CFH: variants seen among roughly 807,000 people sequenced by gnomAD.
The protein encoded by CFH is H factor 1 (complement).
A neutral mutation model predicts 147.3 loss-of-function variants in CFH; 53 were observed. The observed-to-expected ratio is 0.36, with a 90% CI of 0.29 to 0.45. The LOEUF is 0.45. Ranked by LOEUF, CFH falls within the 20% of genes least tolerant of loss-of-function variation. The pLI is 1.00. For missense variants in CFH, 1,380 were observed against 1,498.0 expected (o/e 0.92, Z 1.30); for synonymous variants, 536 against 489.4 (o/e 1.10, Z -1.26).
At chr1:196,695,586 C>T (rs1371440526) in intron 9 of CFH, among the ~76,000 whole-genome samples, 1 of 151,016 alleles carries the variant, frequency 6.6e-6, no homozygotes, top group African/African-American at 2.4e-5. Flanking sequence ...TATGTATCAA[C>T]TACTTTGGGC....
chr1:196,701,596 C>T lies in CFH; in HGVS notation c.1336+11357C>T, dbSNP rs575146765. ...ACTGTCTCAGTGTATTGTTCTGTTGCTGTGCAGCAGGCATACAAATCTGAC... is the reference window on the plus strand; with the variant it reads ...ACTGTCTCAGTGTATTGTTCTGTTGTTGTGCAGCAGGCATACAAATCTGAC... On this transcript the variant is annotated intron_variant, in intron 9 of 21. Transcript: ENST00000367429. The T allele has an allele frequency of 1.0e-4, 51 of 496,054 alleles. 2 individuals carry two copies. In the South Asian group the frequency reaches 1.2e-3, roughly 12 times the overall value. The allele number at this position is 496,054 out of a possible 1,614,324, so 30.7% of individuals were successfully genotyped here. A position where few individuals can be genotyped will look rare whatever the true frequency, so the allele number is the denominator to read the frequency against.
intron 9 of CFH, among the ~76,000 whole-genome samples, chr1:196,691,101 G>A: frequency 6.6e-6 from 1 of 151,870 alleles, no homozygotes; most frequent in African/African-American, 2.4e-5. Context: ...CCTTATCAAG[G>A]ACTGCTGTAC....
chr1:196,673,810 A>G, intron 2 of CFH, 47 bp from the exon 3 acceptor site: 3 of 1,142,852 alleles, frequency 2.6e-6, no homozygotes, highest in Non-Finnish European at 4.0e-6. Context: ...CATAAAATAT[A>G]TTCCTTGCTA....
intron 9 of CFH, among the ~76,000 whole-genome samples, chr1:196,712,081 C>G (rs1458645889): frequency 6.6e-6 from 1 of 152,068 alleles, no homozygotes; most frequent in Non-Finnish European, 1.5e-5. Flanking sequence ...AAAATTTCTC[C>G]CAGCATAAAG....
intron 10 of CFH, among the ~76,000 whole-genome samples, chr1:196,714,893 G>T (rs1238547428): frequency 1.3e-5 from 2 of 150,882 alleles, no homozygotes; most frequent in East Asian, 3.9e-4. Context: ...TAGAGACAGG[G>T]TTTTGCCATG....
intron 19 of CFH, among the ~76,000 whole-genome samples, chr1:196,743,098 T>A (rs1487830810): frequency 1.3e-5 from 2 of 152,164 alleles, no homozygotes; most frequent in East Asian, 3.8e-4. Context: ...TTTTTGCATT[T>A]TATAAATTAA....
intron 19 of CFH, among the ~76,000 whole-genome samples, chr1:196,742,876 C>G (rs1237061532): frequency 6.6e-6 from 1 of 152,126 alleles, no homozygotes; most frequent in Non-Finnish European, 1.5e-5. Flanking sequence ...TTATTATAGG[C>G]TTTTTAAAAA....
Position 196,743,631 on chromosome 1 carries a change from A to G in CFH, c.3310+3A>G, listed in dbSNP as rs1652895187. On this transcript the variant is annotated splice_donor_region_variant and intron_variant, in intron 20 of 21. Transcript: ENST00000367429. ...GACGGAACCACCTCAATGCAAAGGTAGAGTATTATATTTCTTTTAACATTT... is the reference window on the plus strand; with the variant it reads ...GACGGAACCACCTCAATGCAAAGGTGGAGTATTATATTTCTTTTAACATTT... 1 of 1,613,884 alleles carries G rather than the reference A, an allele frequency of 6.2e-7. No homozygotes were observed. Among genetic ancestry groups the G allele is most frequent in the African/African-American group, 1.3e-5 (1 of 75,046 alleles).
intron 1 of CFH, among the ~76,000 whole-genome samples, chr1:196,662,121 A>G (rs1400321337): frequency 1.3e-5 from 2 of 152,202 alleles, no homozygotes; most frequent in Non-Finnish European, 2.9e-5. Flanking sequence ...GATTACCTAG[A>G]ATGATCAGCT....
chr1:196,663,315 C>A (rs1323486370), intron 1 of CFH, among the ~76,000 whole-genome samples: 2 of 152,104 alleles, frequency 1.3e-5, no homozygotes, highest in Non-Finnish European at 2.9e-5. Context: ...TTGACCTGCC[C>A]TCCTGTCCAC....
At chr1:196,676,171 T>C (rs1218048502) in intron 4 of CFH, 106 bp downstream of exon 4, 4 of 690,496 alleles carry the variant, frequency 5.8e-6, no homozygotes, top group African/African-American at 1.8e-5. Context: ...TTTTATTTAA[T>C]GTTTTTTTTT....
At position 196,659,813 on chromosome 1, in the gene CFH, A is replaced by G. The variant is rs1370500533; in HGVS notation, c.58+7638A>G. Among the ~76,000 whole-genome samples, 3 of 152,138 alleles carry G rather than the reference A, an allele frequency of 2.0e-5. No individual in the cohort carries two copies. In the East Asian group the frequency reaches 5.8e-4, roughly 29 times the overall value. ...GTCCAGTGTCCAAGTCCCATCTCCTATCTCAATAATACTCAATACAATAAT... is the reference window on the plus strand; with the variant it reads ...GTCCAGTGTCCAAGTCCCATCTCCTGTCTCAATAATACTCAATACAATAAT... On this transcript the variant is annotated intron_variant, in intron 1 of 21. Coordinates refer to ENST00000367429, the MANE Select transcript of CFH (RefSeq NM_000186.4).
Position 196,747,125 on chromosome 1 carries a change from T to C in CFH, c.3508T>C (p.Ser1170Pro), listed in dbSNP as rs1653039952. 1.2e-6 allele frequency: 2 copies of C among 1,613,862 alleles called. No homozygotes were observed. The highest frequency in any genetic ancestry group is 1.7e-6 in the Non-Finnish European group (2 of 1,179,832). ...PPKCLHPCVI[S>P]REIMENYNIA... ...TTTATTTTCAGATCCGTGTGTAATA[T>C]CCCGAGAAATTATGGAAAATTATAA... Residue 1170 changes from serine (S) to proline (P), a missense_variant, in exon 22 of 22, where the codon TCC (serine) becomes CCC (proline). This residue lies in a region of CFH where 123 missense variants were observed against 185.3 expected (regional missense o/e 0.66). Coordinates refer to ENST00000367429, the MANE Select transcript of CFH (RefSeq NM_000186.4).
chr1:196,702,301 A>G (rs1668477029), intron 9 of CFH, among the ~76,000 whole-genome samples: 2 of 151,958 alleles, frequency 1.3e-5, no homozygotes, highest in Non-Finnish European at 2.9e-5. Flanking sequence ...GCAGGGTGTC[A>G]CTTCTTATAC....
chr1:196,717,274 T>C (rs2149104461), intron 11 of CFH, among the ~76,000 whole-genome samples: 1 of 152,228 alleles, frequency 6.6e-6, no homozygotes, highest in Non-Finnish European at 1.5e-5. Flanking sequence ...CTCTTTCTTG[T>C]TGGTAAAATG....
rs754907102 is a variant in CFH, at chr1:196,676,107, C to A, written c.427+42C>A. ...TTTACAAGTATATTGAAATAAATAT[C>A]TAAGATTTAAAAAAAGTCTTACATT... is the stretch of plus-strand genomic sequence containing the variant. On this transcript the variant is annotated intron_variant, in intron 4 of 21. Coordinates refer to ENST00000367429, the MANE Select transcript of CFH (RefSeq NM_000186.4). 1.5e-5 allele frequency: 18 copies of A among 1,221,114 alleles called. No individual in the cohort carries two copies. The East Asian group carries it at 3.7e-4, about 25-fold the overall frequency. The allele number at this position is 1,221,114 out of a possible 1,614,324, so 75.6% of individuals were successfully genotyped here.
At position 196,677,544 on chromosome 1, in the gene CFH, C is replaced by G. The variant is rs746222626; in HGVS notation, c.496C>G (p.Arg166Gly). 1.2e-6 allele frequency: 2 copies of G among 1,613,110 alleles called. No individual in the cohort carries two copies. Among genetic ancestry groups the G allele is most frequent in the South Asian group, 1.1e-5 (1 of 91,048 alleles). ...TGTCAGTAGTGCAATGGAACCAGAT[C>G]GGGAATACCATTTTGGACAAGCAGT... is the stretch of plus-strand genomic sequence containing the variant. ...KIVSSAMEPD[R>G]EYHFGQAVRF... The change falls in exon 5 of 22, where the codon CGG (arginine) becomes GGG (glycine). Residue 166 changes from arginine (R) to glycine (G), a missense_variant. Physicochemically the swap from Arg to Gly is moderately radical, Grantham distance 125. Transcript: ENST00000367429.
chr1:196,731,490 A>G (rs1056022613), intron 15 of CFH, among the ~76,000 whole-genome samples: 16 of 151,942 alleles, frequency 1.1e-4, no homozygotes, highest in Non-Finnish European at 1.9e-4. Context: ...AGCTGTTCTT[A>G]CCACTTTTGC....
In CFH at chr1:196,747,458, C is replaced by T. The variant is rs527400846; in HGVS notation, c.*145C>T. On this transcript the variant is annotated 3_prime_UTR_variant, in exon 22 of 22. Coordinates refer to ENST00000367429, the MANE Select transcript of CFH (RefSeq NM_000186.4). ...TGAAAATGTAATTATAAGCTGAGAC[C>T]GGTGGCTCTCTTCTTAAAAGCACCA... 41 of 906,138 alleles carry T rather than the reference C, an allele frequency of 4.5e-5. No homozygotes were observed. The highest frequency in any genetic ancestry group is 4.5e-4 in the South Asian group (29 of 65,074). The allele number at this position is 906,138 out of a possible 1,614,324, so 56.1% of individuals were successfully genotyped here.
Sources: allele counts gnomAD v4.1 joint callset (sites outside exome capture counted in the v4.1 genomes callset), GRCh38; gene constraint gnomAD v4.1.1; regional missense constraint gnomAD v4.1.1; transcripts MANE v1.5; gene names NCBI Gene and HGNC (gene_info 2026-07-23, HGNC 2026-07-21).